IFT81: variants seen among roughly 807,000 people sequenced by gnomAD.
IFT81 encodes the protein intraflagellar transport 81.
Under a neutral mutation model 102.6 loss-of-function variants are expected in IFT81, and 72 were observed. That is an observed-to-expected ratio of 0.70 (90% CI 0.58 to 0.85). The LOEUF is 0.85. Among genes scored for constraint, IFT81 ranks in the 40% least tolerant of loss-of-function variants. The probability of loss-of-function intolerance (pLI) is 0.00; values close to 1 mark genes in which losing one functional copy is unlikely to be tolerated. For synonymous variants in IFT81, 237 were observed against 242.7 expected, an observed-to-expected ratio of 0.98 and a Z score of 0.22; for missense variants, 723 against 787.3, an observed-to-expected ratio of 0.92 and a Z score of 0.98.
intron 12 of IFT81, among the ~76,000 whole-genome samples, chr12:110,189,344 A>G (rs1897688492): frequency 6.6e-6 from 1 of 151,538 alleles, no homozygotes; most frequent in African/African-American, 2.4e-5. Context: ...AATTTTATTT[A>G]TTTATTTATT....
chr12:110,160,507 T>A (rs1442820612), intron 10 of IFT81, among the ~76,000 whole-genome samples: 1 of 152,082 alleles, frequency 6.6e-6, no homozygotes, highest in African/African-American at 2.4e-5. Context: ...CCCACCTTCC[T>A]CCCCCTGCCT....
At chr12:110,164,744 A>G (rs890770159) in intron 11 of IFT81, among the ~76,000 whole-genome samples, 3 of 152,188 alleles carry the variant, frequency 2.0e-5, no homozygotes, top group Non-Finnish European at 4.4e-5. Flanking sequence ...TCCACTTCCA[A>G]ATTGGTTTAA....
intron 11 of IFT81, among the ~76,000 whole-genome samples, chr12:110,164,949 C>A (rs930815644): frequency 6.6e-6 from 1 of 151,970 alleles, no homozygotes; most frequent in Non-Finnish European, 1.5e-5. Flanking sequence ...TTGTTATGGC[C>A]GTATTTGGCA....
intron 11 of IFT81, among the ~76,000 whole-genome samples, chr12:110,174,092 A>G (rs1377506455): frequency 6.6e-6 from 1 of 151,778 alleles, no homozygotes; most frequent in Non-Finnish European, 1.5e-5. Flanking sequence ...CCTGGCTAAC[A>G]CAGTGAAACC....
At chr12:110,212,584 C>T (rs1282915924) in intron 18 of IFT81, among the ~76,000 whole-genome samples, 1 of 151,088 alleles carries the variant, frequency 6.6e-6, no homozygotes, top group Non-Finnish European at 1.5e-5. Flanking sequence ...TGCCTGTAAT[C>T]CCAGCACTTT....
chr12:110,189,237 C>G (rs1897684507), intron 12 of IFT81, among the ~76,000 whole-genome samples: 1 of 152,154 alleles, frequency 6.6e-6, no homozygotes, highest in South Asian at 2.1e-4. Flanking sequence ...GTGATCTTAT[C>G]CTGTCTCATG....
intron 10 of IFT81, among the ~76,000 whole-genome samples, chr12:110,156,742 C>T (rs946275656): frequency 3.3e-5 from 5 of 152,276 alleles, no homozygotes; most frequent in African/African-American, 9.6e-5. Flanking sequence ...AGTGATCTGC[C>T]TGCCCCAGCC....
intron 14 of IFT81, among the ~76,000 whole-genome samples, chr12:110,200,073 T>C (rs1014466560): frequency 2.0e-5 from 3 of 152,228 alleles, no homozygotes; most frequent in Non-Finnish European, 4.4e-5. Flanking sequence ...CCTTTCTTTT[T>C]GGTCCTGTTA....
At chr12:110,169,648 C>T (rs147821294) in intron 11 of IFT81, among the ~76,000 whole-genome samples, 17 of 152,196 alleles carry the variant, frequency 1.1e-4, no homozygotes, top group East Asian at 3.9e-4. Flanking sequence ...CTGCAACCTC[C>T]GCCTCCCGGG....
chr12:110,202,781 T>C (rs375253070), intron 14 of IFT81, among the ~76,000 whole-genome samples: 3 of 152,172 alleles, frequency 2.0e-5, no homozygotes, highest in African/African-American at 7.2e-5. Context: ...AGTATAATCT[T>C]TGGCAAGGTA....
In IFT81 at chr12:110,203,962, GTTTT is replaced by G; in HGVS notation, c.1644+14_1644+17del. ...CCAAATTAGAACAGGTAAGAAGAGA[GTTTT>G]TATTTTAACAATTTAGCAAAAACTA... On this transcript the variant is annotated intron_variant, in intron 15 of 18. Transcript: ENST00000242591. The G allele has an allele frequency of 1.9e-6, 3 of 1,584,346 alleles. No homozygotes were observed. The highest frequency in any genetic ancestry group is 2.6e-6 in the Non-Finnish European group (3 of 1,157,768).
chr12:110,160,176 G>T (rs1241605338), intron 10 of IFT81, among the ~76,000 whole-genome samples: 4 of 152,130 alleles, frequency 2.6e-5, no homozygotes, highest in Non-Finnish European at 2.9e-5. Context: ...GAACTAATAG[G>T]ATATAGGTAT....
chr12:110,159,789 C>T (rs1235321059), intron 10 of IFT81, among the ~76,000 whole-genome samples: 1 of 152,222 alleles, frequency 6.6e-6, no homozygotes, highest in African/African-American at 2.4e-5. Flanking sequence ...TTCACACTTG[C>T]TCCAGCAAGC....
intron 11 of IFT81, chr12:110,168,978 C>G (rs1195014641): frequency 2.0e-5 from 3 of 151,972 alleles, no homozygotes; most frequent in Admixed American, 2.0e-4. Flanking sequence ...ATGTCGAGCT[C>G]CTGCTTGCTT....
chr12:110,132,710 G>A, intron 5 of IFT81, 74 bp downstream of exon 5: 1 of 766,256 alleles, frequency 1.3e-6, no homozygotes, highest in Non-Finnish European at 2.2e-6. Context: ...TATTAATTCA[G>A]TATGAGTCTT....
At chr12:110,209,131 T>C in intron 17 of IFT81, 40 bp from the exon 18 acceptor site, 1 of 1,107,774 alleles carries the variant, frequency 9.0e-7, no homozygotes, top group Non-Finnish European at 1.4e-6. Flanking sequence ...TCAAATCATT[T>C]GAAGTAAATT....
chr12:110,149,785 G>A (rs114410917), intron 10 of IFT81, among the ~76,000 whole-genome samples: 1 of 152,244 alleles, frequency 6.6e-6, no homozygotes, highest in South Asian at 2.1e-4. Flanking sequence ...GTGTCTCTAG[G>A]TATCAAGCCA....
chr12:110,141,751 G>A (rs1393951059), intron 8 of IFT81, among the ~76,000 whole-genome samples: 1 of 152,146 alleles, frequency 6.6e-6, no homozygotes, highest in African/African-American at 2.4e-5. Flanking sequence ...AGCTGGTAGT[G>A]TGCGACTAAT....
At chr12:110,160,338 C>T (rs182803282) in intron 10 of IFT81, among the ~76,000 whole-genome samples, 35 of 152,288 alleles carry the variant, frequency 2.3e-4, no homozygotes, top group Middle Eastern at 3.4e-3. Flanking sequence ...GACAGTGCAG[C>T]CTTCAGCCTG....
Sources: allele counts gnomAD v4.1 joint callset (sites outside exome capture counted in the v4.1 genomes callset), GRCh38; gene constraint gnomAD v4.1.1; transcripts MANE v1.5; gene names NCBI Gene and HGNC (gene_info 2026-07-23, HGNC 2026-07-21).